HCN1: variants seen among roughly 807,000 people sequenced by gnomAD.
HCN1 encodes the protein potassium/sodium hyperpolarization-activated cyclic nucleotide-gated channel 1.
Under a neutral mutation model 78.9 loss-of-function variants are expected in HCN1, and 13 were observed. That is an observed-to-expected ratio of 0.16 (90% CI 0.11 to 0.26). HCN1 has a LOEUF of 0.26. Among genes scored for constraint, HCN1 ranks in the 10% least tolerant of loss-of-function variants. The pLI is 1.00. For synonymous variants in HCN1, 552 were observed against 455.5 expected (o/e 1.21, Z -2.70); for missense variants, 810 against 1,154.3 (o/e 0.70, Z 4.32).
intron 4 of HCN1, among the ~76,000 whole-genome samples, chr5:45,384,865 C>A (rs1747882048): frequency 6.6e-6 from 1 of 152,136 alleles, no homozygotes; most frequent in Admixed American, 6.5e-5. Flanking sequence ...AATGTGGAAT[C>A]TAATTTAATC....
chr5:45,658,623 G>A (rs1202315417), intron 1 of HCN1, among the ~76,000 whole-genome samples: 1 of 151,858 alleles, frequency 6.6e-6, no homozygotes, highest in South Asian at 2.1e-4. Flanking sequence ...GAAGCAGGGC[G>A]AGGCATTGCC....
chr5:45,597,675 A>G (rs754586376), intron 2 of HCN1, among the ~76,000 whole-genome samples: 2 of 152,166 alleles, frequency 1.3e-5, no homozygotes, highest in South Asian at 2.1e-4. Flanking sequence ...AAACTCCGTC[A>G]TCTCAGCCCA....
At chr5:45,459,284 CT>C (rs1338025968) in intron 3 of HCN1, among the ~76,000 whole-genome samples, 4 of 151,172 alleles carry the variant, frequency 2.6e-5, no homozygotes, top group South Asian at 2.1e-4. Context: ...TAAGTTATGG[CT>C]TTTATATTTG....
intron 4 of HCN1, among the ~76,000 whole-genome samples, chr5:45,395,585 T>C (rs945860527): frequency 3.3e-5 from 5 of 152,178 alleles, no homozygotes; most frequent in South Asian, 2.1e-4. Context: ...CTTCTTTGGA[T>C]GTTTTGAAAA....
At chr5:45,657,944 G>T (rs982920520) in intron 1 of HCN1, among the ~76,000 whole-genome samples, 1 of 152,138 alleles carries the variant, frequency 6.6e-6, no homozygotes, top group Admixed American at 6.5e-5. Context: ...TCAATCCTAA[G>T]CCAAAAGAAC....
chr5:45,280,213 T>C (rs1452562920), intron 6 of HCN1, among the ~76,000 whole-genome samples: 2 of 152,176 alleles, frequency 1.3e-5, no homozygotes, highest in African/African-American at 4.8e-5. Context: ...GTATATTTAC[T>C]TACTATTTTG....
At chr5:45,287,148 A>G (rs1745285454) in intron 6 of HCN1, among the ~76,000 whole-genome samples, 1 of 151,374 alleles carries the variant, frequency 6.6e-6, no homozygotes, top group Admixed American at 6.6e-5. Context: ...TAGAAGTGGG[A>G]AGAATTCTTA....
chr5:45,370,257 A>T (rs560187896), intron 4 of HCN1, among the ~76,000 whole-genome samples: 1 of 152,210 alleles, frequency 6.6e-6, no homozygotes, highest in East Asian at 1.9e-4. Context: ...CAATATTATC[A>T]AATTAAAACA....
At chr5:45,583,681 C>G (rs1452896749) in intron 2 of HCN1, among the ~76,000 whole-genome samples, 1 of 152,070 alleles carries the variant, frequency 6.6e-6, no homozygotes, top group East Asian at 1.9e-4. Context: ...AAATTTCCCT[C>G]TACACACTGC....
intron 2 of HCN1, among the ~76,000 whole-genome samples, chr5:45,637,372 G>A: frequency 6.6e-6 from 1 of 151,854 alleles, no homozygotes; most frequent in East Asian, 1.9e-4. Flanking sequence ...CTGCTGAATT[G>A]AAATTCCATT....
intron 2 of HCN1, among the ~76,000 whole-genome samples, chr5:45,503,412 GAC>G (rs1266931663): frequency 6.6e-6 from 1 of 152,048 alleles, no homozygotes; most frequent in African/African-American, 2.4e-5. Context: ...AAGAAACAGA[GAC>G]ACAGAGAGAC....
chr5:45,494,612 C>T (rs942444665), intron 2 of HCN1, among the ~76,000 whole-genome samples: 3 of 151,926 alleles, frequency 2.0e-5, no homozygotes, highest in Admixed American at 6.6e-5. Context: ...TAATTAGATC[C>T]CATTTGTCAA....
At chr5:45,615,873 T>C (rs1227256982) in intron 2 of HCN1, among the ~76,000 whole-genome samples, 2 of 151,850 alleles carry the variant, frequency 1.3e-5, no homozygotes, top group African/African-American at 4.8e-5. Context: ...ACTTGCAAAA[T>C]AGCTTGAAAT....
intron 2 of HCN1, among the ~76,000 whole-genome samples, chr5:45,475,114 A>C (rs540526612): frequency 6.6e-6 from 1 of 152,150 alleles, no homozygotes; most frequent in African/African-American, 2.4e-5. Context: ...ATAATGTAAT[A>C]GTGAACTGAA....
chr5:45,324,459 C>A (rs1359638028), intron 5 of HCN1, among the ~76,000 whole-genome samples: 1 of 151,942 alleles, frequency 6.6e-6, no homozygotes, highest in Admixed American at 6.6e-5. Flanking sequence ...GAGATACCAT[C>A]TCACACCAGT....
intron 1 of HCN1, 129 bp downstream of exon 1, chr5:45,695,540 C>G (rs1739991398): frequency 4.5e-6 from 4 of 897,538 alleles, no homozygotes; most frequent in African/African-American, 3.4e-5. Flanking sequence ...TTAGCCCGAG[C>G]CGACGCCGCC....
chr5:45,441,615 T>A (rs1330056540), intron 3 of HCN1, among the ~76,000 whole-genome samples: 3 of 152,186 alleles, frequency 2.0e-5, no homozygotes, highest in African/African-American at 7.2e-5. Flanking sequence ...TGTGATACGA[T>A]TAATATGCTT....
intron 3 of HCN1, among the ~76,000 whole-genome samples, chr5:45,443,962 CAA>C (rs1166378362): frequency 6.6e-6 from 1 of 152,048 alleles, no homozygotes; most frequent in Admixed American, 6.5e-5. Context: ...ATGAGTAATA[CAA>C]AGTTATGAAC....
chr5:45,653,389 A>C (rs932510683), intron 1 of HCN1, among the ~76,000 whole-genome samples: 2 of 152,054 alleles, frequency 1.3e-5, no homozygotes, highest in Admixed American at 1.3e-4. Flanking sequence ...ATACTCTGCC[A>C]TAATATGATG....
Sources: gnomAD v4.1 joint callset for allele counts (sites outside exome capture counted in the v4.1 genomes callset) on GRCh38, gnomAD v4.1.1 for gene constraint, MANE v1.5 for transcripts, NCBI Gene and HGNC (gene_info 2026-07-23, HGNC 2026-07-21) for gene names.